The following NSUN4 variants were observed in gnomAD, a reference collection of about 807,000 sequenced individuals.
The protein encoded by NSUN4 is 5-cytosine rRNA methyltransferase NSUN4.
NSUN4 carries 31 observed loss-of-function variants against 43.8 expected under a neutral mutation model. The ratio of observed to expected loss-of-function variants is 0.71; its 90% CI spans 0.53 to 0.96. The LOEUF (loss-of-function observed/expected upper bound fraction) is 0.96. Ranked by LOEUF, NSUN4 falls within the 40% of genes least tolerant of loss-of-function variation. NSUN4 has a pLI of 0.00. For missense variants in NSUN4, 439 were observed against 475.6 expected (o/e 0.92, Z 0.72); for synonymous variants, 167 against 184.1 (o/e 0.91, Z 0.75).
At chr1:46,377,340 A>G in the NSUN4 span, among the ~76,000 whole-genome samples, 1 of 152,172 alleles carries the variant, frequency 6.6e-6, no homozygotes, top group Non-Finnish European at 1.5e-5. Context: ...GTGAGCCACC[A>G]TGCCCAACCA....
At chr1:46,356,430 C>T (rs1027454283) in intron 4 of NSUN4, among the ~76,000 whole-genome samples, 4 of 152,302 alleles carry the variant, frequency 2.6e-5, no homozygotes, top group South Asian at 2.1e-4. Flanking sequence ...CGGTGGCTCA[C>T]GCCTGTATTC....
intron 3 of NSUN4, among the ~76,000 whole-genome samples, chr1:46,350,741 A>G (rs1312643212): frequency 2.2e-5 from 2 of 92,470 alleles, no homozygotes; most frequent in Non-Finnish European, 5.8e-5. Flanking sequence ...CACTCCAGGT[A>G]TGGAGGCTCC....
the NSUN4 span, among the ~76,000 whole-genome samples, chr1:46,372,546 A>G: frequency 6.6e-6 from 1 of 152,140 alleles, no homozygotes; most frequent in Non-Finnish European, 1.5e-5. Flanking sequence ...CCCTTCTCAC[A>G]ACTTAATATA....
intron 4 of NSUN4, among the ~76,000 whole-genome samples, chr1:46,357,402 C>T (rs1003992127): frequency 1.1e-4 from 16 of 152,176 alleles, no homozygotes; most frequent in African/African-American, 3.9e-4. Flanking sequence ...AGGCTGGTCT[C>T]GAAATCCTGG....
the NSUN4 span, chr1:46,370,583 G>A: frequency 2.5e-5 from 2 of 80,954 alleles, no homozygotes; most frequent in East Asian, 3.1e-4. Context: ...TTTCACTTTT[G>A]TTATGAACAA....
chr1:46,364,151 A>G lies in NSUN4; in HGVS notation c.*2305A>G. ...AGACCTGGTCTTTACCAAAAAAAAA[A>G]AAAAAAAAATTAGCTGGGTGCGCTG... On this transcript the variant is annotated 3_prime_UTR_variant, in exon 6 of 6. Transcript: ENST00000474844. 6.6e-6 allele frequency: 1 copy of G among 150,690 alleles called. No homozygotes were observed. The highest frequency in any genetic ancestry group is 2.1e-4 in the South Asian group (1 of 4,780). 9.3% of individuals were successfully genotyped at this position (150,690 alleles called of 1,614,324 possible).
the NSUN4 span, among the ~76,000 whole-genome samples, chr1:46,383,195 A>G: frequency 6.6e-6 from 1 of 152,210 alleles, no homozygotes; most frequent in Non-Finnish European, 1.5e-5. Flanking sequence ...TGGGCCATGA[A>G]GAAGAGCCCA....
intron 4 of NSUN4, among the ~76,000 whole-genome samples, chr1:46,359,078 C>G (rs922263210): frequency 1.3e-5 from 2 of 151,974 alleles, no homozygotes; most frequent in Non-Finnish European, 2.9e-5. Context: ...GCCAATATGG[C>G]AAAACCCCGT....
intron 4 of NSUN4, among the ~76,000 whole-genome samples, chr1:46,355,971 G>A (rs1663337255): frequency 6.6e-6 from 1 of 151,428 alleles, no homozygotes; most frequent in Non-Finnish European, 1.5e-5. Flanking sequence ...CTGAGATCGC[G>A]CCATTGCATT....
At chr1:46,353,781 GTATAT>G (rs56398401) in intron 4 of NSUN4, among the ~76,000 whole-genome samples, 33,961 of 151,846 alleles carry the variant, frequency 0.22, 4,222 homozygotes, top group Non-Finnish European at 0.29. Flanking sequence ...CCAGCCGGTA[GTATAT>G]TATATTATAC....
At position 46,342,149 on chromosome 1, in the gene NSUN4, G is replaced by C. The variant is rs1662161449; in HGVS notation, c.93+1230G>C. The C allele has an allele frequency of 1.2e-5, 5 of 405,334 alleles. No homozygotes were observed. The South Asian group carries it at 6.3e-4, about 51-fold the overall frequency. The allele number at this position is 405,334 out of a possible 1,614,324, so 25.1% of individuals were successfully genotyped here. ...CCCCAACCCTTTCTCACAGAGTTTT[G>C]GAAACTGGGCTGATGATCTCTCTGC... On this transcript the variant is annotated intron_variant, in intron 1 of 5. Transcript: ENST00000474844.
In NSUN4 at chr1:46,362,303, A is replaced by C. The variant is rs1422998105; in HGVS notation, c.*457A>C. On this transcript the variant is annotated 3_prime_UTR_variant, in exon 6 of 6. Transcript: ENST00000474844. ...CCCTTGAAGTGAGTTCCACCTGACC[A>C]GTCTTGAGCAGCCAACAGGCTCAAT... is the stretch of plus-strand genomic sequence containing the variant. 1 of 159,508 alleles carries C rather than the reference A, an allele frequency of 6.3e-6. No individual in the cohort carries two copies. The highest frequency in any genetic ancestry group is 1.4e-5 in the Non-Finnish European group (1 of 72,766). The allele number at this position is 159,508 out of a possible 1,614,324, so 9.9% of individuals were successfully genotyped here. A position where few individuals can be genotyped will look rare whatever the true frequency, so the allele number is the denominator to read the frequency against.
At position 46,363,915 on chromosome 1, in the gene NSUN4, T is replaced by C. The variant is rs976806073; in HGVS notation, c.*2069T>C. 1 of 152,202 alleles carries C rather than the reference T, an allele frequency of 6.6e-6. No homozygotes were observed. 9.4% of individuals were successfully genotyped at this position (152,202 alleles called of 1,614,324 possible). On this transcript the variant is annotated 3_prime_UTR_variant, in exon 6 of 6. Transcript: ENST00000474844. ...AGGTTTTTTCTTTTCTATGGAGTTA[T>C]TCTTTACATACAATATAGTTCATAA...
the NSUN4 span, among the ~76,000 whole-genome samples, chr1:46,384,421 C>T: frequency 6.6e-6 from 1 of 152,098 alleles, no homozygotes. Flanking sequence ...GCCTCTGCAC[C>T]AACCCATGGA....
chr1:46,361,856 A>T lies in NSUN4; in HGVS notation c.*10A>T. 6.2e-7 allele frequency: 1 copy of T among 1,610,956 alleles called. No individual in the cohort carries two copies. ...GCGTAGGCTGACATAGTATCACCCA[A>T]TCCCTGAAGCAAGAATACAAAGGGT... On this transcript the variant is annotated 3_prime_UTR_variant, in exon 6 of 6. Transcript: ENST00000474844.
chr1:46,384,038 G>A, the NSUN4 span, among the ~76,000 whole-genome samples: 2 of 152,126 alleles, frequency 1.3e-5, no homozygotes, highest in Non-Finnish European at 2.9e-5. Context: ...TGGGGTGAGT[G>A]GTTTGGCGGG....
rs764892727 is a variant in NSUN4, at chr1:46,345,038, G to A, written c.331G>A (p.Glu111Lys). ...CATCTCCCACTGGGAACTGCAGTCTGAGGGTGGCCAATCTGCAGCCCCATC... is the reference window on the plus strand; with the variant it reads ...CATCTCCCACTGGGAACTGCAGTCTAAGGGTGGCCAATCTGCAGCCCCATC... ...EAISHWELQS[E>K]GGQSAAPSPA... The change falls in exon 2 of 6, where the codon GAG (glutamate) becomes AAG (lysine). Residue 111 changes from glutamate (E) to lysine (K), a missense_variant. Transcript: ENST00000474844. The A allele has an allele frequency of 6.2e-7, 1 of 1,614,208 alleles. No homozygotes were observed. The highest frequency in any genetic ancestry group is 8.5e-7 in the Non-Finnish European group (1 of 1,180,038).
At chr1:46,342,754 C>G (rs41293285) in intron 1 of NSUN4, 101 of 398,374 alleles carry the variant, frequency 2.5e-4, no homozygotes, top group Middle Eastern at 6.3e-4. Context: ...TCCCCCCAAC[C>G]GAAGTCCCCT....
intron 4 of NSUN4, among the ~76,000 whole-genome samples, chr1:46,355,280 G>A (rs1024146474): frequency 6.6e-6 from 1 of 152,192 alleles, no homozygotes; most frequent in African/African-American, 2.4e-5. Flanking sequence ...GGTGCACACT[G>A]AGATTCTGTT....
Sources: gnomAD v4.1 joint callset for allele counts (sites outside exome capture counted in the v4.1 genomes callset) on GRCh38, gnomAD v4.1.1 for gene constraint, MANE v1.5 for transcripts, NCBI Gene and HGNC (gene_info 2026-07-23, HGNC 2026-07-21) for gene names.